Variants in HSPA4 observed in about 807,000 individuals in gnomAD.
HSPA4 encodes heat shock 70 kDa protein 4.
A neutral mutation model predicts 106.2 loss-of-function variants in HSPA4; 25 were observed. The ratio of observed to expected loss-of-function variants is 0.24; its 90% CI spans 0.17 to 0.33. The LOEUF (loss-of-function observed/expected upper bound fraction) is 0.33. Among genes scored for constraint, HSPA4 ranks in the 10% least tolerant of loss-of-function variants. The pLI, the probability that HSPA4 is intolerant of heterozygous loss-of-function variation, is 1.00. For synonymous variants in HSPA4, 332 were observed against 333.6 expected (o/e 1.00, Z 0.05); for missense variants, 841 against 996.0 (o/e 0.84, Z 2.10).
intron 2 of HSPA4, among the ~76,000 whole-genome samples, chr5:133,066,614 T>C (rs1014245671): frequency 6.6e-6 from 1 of 152,204 alleles, no homozygotes; most frequent in Non-Finnish European, 1.5e-5. Flanking sequence ...TCTAGGCGTC[T>C]GCTACTACAA....
At chr5:133,073,607 G>C (rs1477989915) in intron 5 of HSPA4, among the ~76,000 whole-genome samples, 1 of 152,180 alleles carries the variant, frequency 6.6e-6, no homozygotes, top group Non-Finnish European at 1.5e-5. Flanking sequence ...GTTAAAGACT[G>C]GTCTTCTCTT....
chr5:133,053,459 C>T (rs1324801931), intron 1 of HSPA4, among the ~76,000 whole-genome samples: 3 of 150,870 alleles, frequency 2.0e-5, no homozygotes, highest in African/African-American at 7.3e-5. Context: ...GGTGATTCTC[C>T]CACCTCAGCC....
chr5:133,053,328 CT>C (rs58722769), intron 1 of HSPA4, among the ~76,000 whole-genome samples: 2,807 of 129,202 alleles, frequency 0.022, 60 homozygotes, highest in African/African-American at 0.067. Context: ...GGTCTCTCTT[CT>C]TTTTTTTTTT....
Position 133,091,256 on chromosome 5 carries a change from A to G in HSPA4, c.1442A>G (p.Lys481Arg), listed in dbSNP as rs746457980. Residue 481 changes from lysine to arginine, a missense_variant, in exon 12 of 19, where the codon AAA (lysine) becomes AGA (arginine). Transcript: ENST00000304858. The part of the protein sequence containing the change: ...SDGSSSKVKV[K>R]VRVNVHGIFS... Reference sequence around the variant, plus strand: ...GGCTCCAGTTCAAAAGTGAAAGTCAAAGTTCGAGTAAATGTCCATGGCATT... The same window carrying G: ...GGCTCCAGTTCAAAAGTGAAAGTCAGAGTTCGAGTAAATGTCCATGGCATT... The G allele has an allele frequency of 6.2e-7, 1 of 1,614,002 alleles. No homozygotes were observed.
chr5:133,062,253 A>T (rs1765254389), intron 1 of HSPA4, among the ~76,000 whole-genome samples: 1 of 152,216 alleles, frequency 6.6e-6, no homozygotes, highest in African/African-American at 2.4e-5. Context: ...ATAGGAAATT[A>T]ACCCTTCAGC....
intron 7 of HSPA4, among the ~76,000 whole-genome samples, chr5:133,079,959 AC>A (rs1177164183): frequency 6.6e-6 from 1 of 152,196 alleles, no homozygotes; most frequent in African/African-American, 2.4e-5. Context: ...GCTGGATAGA[AC>A]ATTCTTAGCT....
intron 2 of HSPA4, among the ~76,000 whole-genome samples, chr5:133,065,977 G>A (rs766185588): frequency 3.3e-5 from 5 of 152,166 alleles, no homozygotes; most frequent in African/African-American, 4.8e-5. Context: ...TAAAAAAGTG[G>A]TGCTTGGCCA....
At chr5:133,090,573 C>A (rs149728886) in intron 11 of HSPA4, among the ~76,000 whole-genome samples, 2,368 of 150,660 alleles carry the variant, frequency 0.016, 28 homozygotes, top group Middle Eastern at 0.039. Flanking sequence ...GGAAATAATA[C>A]TAGTTGAGAA....
At position 133,066,114 on chromosome 5, in the gene HSPA4, G is replaced by A. The variant is rs374131594; in HGVS notation, c.165+1077G>A. 4.6e-5 allele frequency among the ~76,000 whole-genome samples: 7 copies of A among 152,146 alleles called. No individual in the cohort carries two copies. In the East Asian group the frequency reaches 7.7e-4, roughly 17 times the overall value. ...CTTCCTTCTAAAATTTGAGCAAATC[G>A]CTCCTGTTTTTTAAACCTGCTTTTC... is the stretch of plus-strand genomic sequence containing the variant. On this transcript the variant is annotated intron_variant, in intron 2 of 18. Coordinates refer to ENST00000304858, the MANE Select transcript of HSPA4 (RefSeq NM_002154.4).
chr5:133,089,164 ATCATGT>A lies in HSPA4; in HGVS notation c.1244+5_1244+10del. On this transcript the variant is annotated splice_donor_5th_base_variant and intron_variant, in intron 10 of 18. Transcript: ENST00000304858. ...TCTCCAGCTGAAGAAGGGTCAAGGT[ATCATGT>A]TTATTAATCATTTACATATCTAAAG... 1 of 1,476,638 alleles carries A rather than the reference ATCATGT, an allele frequency of 6.8e-7. No homozygotes were observed. Among genetic ancestry groups the A allele is most frequent in the South Asian group, 1.2e-5 (1 of 81,644 alleles). The allele number at this position is 1,476,638 out of a possible 1,614,324, so 91.5% of individuals were successfully genotyped here.
intron 1 of HSPA4, among the ~76,000 whole-genome samples, chr5:133,061,086 C>T (rs1318594477): frequency 6.6e-6 from 1 of 151,384 alleles, no homozygotes; most frequent in Non-Finnish European, 1.5e-5. Context: ...CATTAAACAA[C>T]AGTACTTTCA....
At chr5:133,094,259 A>AT (rs1277980730) in intron 13 of HSPA4, among the ~76,000 whole-genome samples, 3 of 152,144 alleles carry the variant, frequency 2.0e-5, no homozygotes, top group Non-Finnish European at 4.4e-5. Flanking sequence ...AATATCTTTT[A>AT]TTTATAAAAT....
chr5:133,086,744 A>G, intron 7 of HSPA4, 38 bp from the exon 8 acceptor site: 1 of 1,415,792 alleles, frequency 7.1e-7, no homozygotes. Flanking sequence ...CATGTGATTT[A>G]ATGTACTGTG....
chr5:133,088,125 G>C (rs915021338), intron 8 of HSPA4, among the ~76,000 whole-genome samples: 6 of 152,130 alleles, frequency 3.9e-5, no homozygotes, highest in Non-Finnish European at 8.8e-5. Context: ...GATTGTGTGA[G>C]AAATTCAGGA....
At chr5:133,069,548 G>C (rs1765355191) in intron 3 of HSPA4, among the ~76,000 whole-genome samples, 1 of 152,138 alleles carries the variant, frequency 6.6e-6, no homozygotes, top group African/African-American at 2.4e-5. Flanking sequence ...ACTGCACCTA[G>C]CCCATCTTTT....
chr5:133,100,587 C>T (rs1472022302), intron 16 of HSPA4, among the ~76,000 whole-genome samples: 5 of 151,902 alleles, frequency 3.3e-5, no homozygotes, highest in African/African-American at 7.3e-5. Context: ...ATCACGAGGT[C>T]GGAGATCGAG....
Position 133,052,153 on chromosome 5 carries a change from G to A in HSPA4, c.-98G>A, listed in dbSNP as rs998144375. On this transcript the variant is annotated 5_prime_UTR_variant, in exon 1 of 19. Coordinates refer to ENST00000304858, the MANE Select transcript of HSPA4 (RefSeq NM_002154.4). ...CACCGCAAGCCCCTCAGTAGCCTCGGCCCAAGAGGCCTGCTTTCCACTCGC... is the reference window on the plus strand; with the variant it reads ...CACCGCAAGCCCCTCAGTAGCCTCGACCCAAGAGGCCTGCTTTCCACTCGC... 5.9e-5 allele frequency: 47 copies of A among 796,058 alleles called. No individual in the cohort carries two copies. The Middle Eastern group carries it at 2.2e-3, about 36-fold the overall frequency. 49.3% of individuals were successfully genotyped at this position (796,058 alleles called of 1,614,324 possible).
At chr5:133,102,065 T>A (rs1456838649) in intron 17 of HSPA4, among the ~76,000 whole-genome samples, 187 bp downstream of exon 17, 1 of 152,002 alleles carries the variant, frequency 6.6e-6, no homozygotes. Flanking sequence ...TAGCTGGGAT[T>A]ACAGGCGTGC....
chr5:133,094,729 A>G (rs747634250), intron 13 of HSPA4, among the ~76,000 whole-genome samples: 2 of 152,220 alleles, frequency 1.3e-5, no homozygotes, highest in Non-Finnish European at 2.9e-5. Context: ...TGCCTTTTGC[A>G]TAGCATTGCT....
Sources: gnomAD v4.1 joint callset for allele counts (sites outside exome capture counted in the v4.1 genomes callset) on GRCh38, gnomAD v4.1.1 for gene constraint, MANE v1.5 for transcripts, NCBI Gene and HGNC (gene_info 2026-07-23, HGNC 2026-07-21) for gene names.